The following THUMPD3 variants were observed in gnomAD, a reference collection of about 807,000 sequenced individuals.
The protein encoded by THUMPD3 is tRNA (guanine(6)-N(2))-methyltransferase THUMP3.
THUMPD3 carries 44 observed loss-of-function variants against 54.5 expected under a neutral mutation model. The observed-to-expected ratio is 0.81, with a 90% CI of 0.63 to 1.04. THUMPD3 has a LOEUF of 1.04. THUMPD3 is among the 50% of genes least tolerant of loss of function. The pLI, the probability that THUMPD3 is intolerant of heterozygous loss-of-function variation, is 0.00. For synonymous variants in THUMPD3, 196 were observed against 201.4 expected (o/e 0.97, Z 0.23); for missense variants, 604 against 601.3 (o/e 1.00, Z -0.05).
chr3:9,379,005 A>C (rs1486428449), intron 6 of THUMPD3, among the ~76,000 whole-genome samples: 2 of 152,188 alleles, frequency 1.3e-5, no homozygotes, highest in African/African-American at 4.8e-5. Context: ...TTTCCATGTA[A>C]GAGTAGACAT....
chr3:9,386,372 C>CCCACCCCCCCACCCCCCACT lies in THUMPD3; in HGVS notation c.*1694_*1713dup, dbSNP rs1211175615. ...GTCTGTTTTCACCACGATGTCTTTCCCCACCCCCCCACCCCCCACTCCACC... is the reference window on the plus strand; with the variant it reads ...GTCTGTTTTCACCACGATGTCTTTCCCCACCCCCCCACCCCCCACTCCACCCCCCCACCCCCCACTCCACC... On this transcript the variant is annotated 3_prime_UTR_variant, in exon 10 of 10. Coordinates refer to ENST00000452837, the MANE Select transcript of THUMPD3 (RefSeq NM_001114092.2). 2 of 115,342 alleles carry CCCACCCCCCCACCCCCCACT rather than the reference C, an allele frequency of 1.7e-5. No homozygotes were observed. Among genetic ancestry groups the CCCACCCCCCCACCCCCCACT allele is most frequent in the East Asian group, 3.1e-4 (1 of 3,190 alleles). The allele number at this position is 115,342 out of a possible 1,614,324, so 7.1% of individuals were successfully genotyped here. A position where few individuals can be genotyped will look rare whatever the true frequency, so the allele number is the denominator to read the frequency against.
At chr3:9,382,921 G>T in intron 7 of THUMPD3, 1 of 265,098 alleles carries the variant, frequency 3.8e-6, no homozygotes, top group Non-Finnish European at 7.4e-6. Flanking sequence ...TTAGAGACAA[G>T]GTCTCACAGT....
rs189811313 is a variant in THUMPD3, at chr3:9,372,487, G to A, written c.807+951G>A. ...CCCAGCTACTGGGGAGGCTGAGGCA[G>A]GAGAATCACTTGAACCAGGGAGGTG... On this transcript the variant is annotated intron_variant, in intron 4 of 9. Transcript: ENST00000452837. 4.7e-4 allele frequency among the ~76,000 whole-genome samples: 72 copies of A among 152,124 alleles called. 1 individual carries two copies. Among genetic ancestry groups the A allele is most frequent in the African/African-American group, 1.6e-3 (68 of 41,516 alleles).
chr3:9,380,702 GC>G (rs2032819273), intron 7 of THUMPD3, 84 bp downstream of exon 7: 2 of 873,886 alleles, frequency 2.3e-6, no homozygotes, highest in Non-Finnish European at 3.6e-6. Flanking sequence ...AACTCCCAGT[GC>G]ATTGTGACGT....
At position 9,371,349 on chromosome 3, in the gene THUMPD3, C is replaced by T. The variant is rs773491350; in HGVS notation, c.620C>T (p.Ser207Phe). ...VSTLIGDDLA[S>F]CKDETDESSK... is the part of the protein sequence containing the mutation. ...ACATTAATAGGTGATGATTTGGCAT[C>T]TTGCAAAGATGAGACTGATGAAAGC... Residue 207 changes from serine (S) to phenylalanine (F), a missense_variant, in exon 4 of 10, where the codon TCT (serine) becomes TTT (phenylalanine). By Grantham distance (155) the Ser-to-Phe change is radical. Coordinates refer to ENST00000452837, the MANE Select transcript of THUMPD3 (RefSeq NM_001114092.2). The T allele has an allele frequency of 2.5e-6, 4 of 1,614,158 alleles. No homozygotes were observed. In the East Asian group the frequency reaches 8.9e-5, roughly 36 times the overall value.
chr3:9,367,067 T>G (rs1325425648), intron 3 of THUMPD3, 82 bp downstream of exon 3: 2 of 1,143,820 alleles, frequency 1.7e-6, no homozygotes, highest in Non-Finnish European at 2.6e-6. Flanking sequence ...TCTGTGAAAG[T>G]TTAGCATTAC....
At chr3:9,384,493 C>T in intron 9 of THUMPD3, 31 bp from the exon 10 acceptor site, 3 of 1,612,566 alleles carry the variant, frequency 1.9e-6, no homozygotes, top group Non-Finnish European at 2.5e-6. Context: ...AGATTGTCAA[C>T]CTAATTGTTA....
intron 5 of THUMPD3, 100 bp downstream of exon 5, chr3:9,374,746 T>A: frequency 7.3e-7 from 1 of 1,362,332 alleles, no homozygotes; most frequent in Non-Finnish European, 1.0e-6. Context: ...AGGTACTGTG[T>A]TGGAATAGAG....
At position 9,371,398 on chromosome 3, in the gene THUMPD3, A is replaced by G. The variant is rs896954816; in HGVS notation, c.669A>G (p.Gln223=). ...GCTCAAAAGAAGAAACTGAGCCTCA[A>G]GTGCTGAAGTTTAGAGTCACATGCA... The part of the protein sequence containing the change: ...DESSKEETEP[Q]VLKFRVTCNR... Residue 223 remains glutamine (Q), a synonymous_variant, in exon 4 of 10, where the codon CAA becomes CAG. Coordinates refer to ENST00000452837, the MANE Select transcript of THUMPD3 (RefSeq NM_001114092.2). The G allele has an allele frequency of 3.1e-6, 5 of 1,614,212 alleles. No homozygotes were observed. Among genetic ancestry groups the G allele is most frequent in the South Asian group, 1.1e-5 (1 of 91,088 alleles).
intron 7 of THUMPD3, 84 bp downstream of exon 7, chr3:9,380,702 G>GCATTGTGACGT: frequency 1.1e-6 from 1 of 874,004 alleles, no homozygotes; most frequent in East Asian, 2.5e-5. Flanking sequence ...AACTCCCAGT[G>GCATTGTGACGT]CATTGTGACG....
chr3:9,377,725 T>C, intron 5 of THUMPD3, 94 bp from the exon 6 acceptor site: 1 of 910,710 alleles, frequency 1.1e-6, no homozygotes. Flanking sequence ...CGGGCTAGTG[T>C]GGTAGGTCCT....
intron 7 of THUMPD3, among the ~76,000 whole-genome samples, chr3:9,382,303 C>T (rs944689770): frequency 6.6e-6 from 1 of 152,020 alleles, no homozygotes; most frequent in African/African-American, 2.4e-5. Context: ...AGTTCTTAGC[C>T]TGTGCATTAT....
At chr3:9,368,532 T>G (rs2031759232) in intron 3 of THUMPD3, among the ~76,000 whole-genome samples, 1 of 151,854 alleles carries the variant, frequency 6.6e-6, no homozygotes, top group Non-Finnish European at 1.5e-5. Flanking sequence ...CCGGCTAATT[T>G]TTGTATTTTT....
In THUMPD3 at chr3:9,363,143, T is replaced by G. The variant is rs1450058106; in HGVS notation, c.-54+16T>G. ...CTGGCGGCCGGTAACTGGCGGCGGT[T>G]GGGAACGGCCGAGTGTGGCTCTTCT... On this transcript the variant is annotated intron_variant, in intron 1 of 9. Transcript: ENST00000452837. The G allele has an allele frequency of 6.6e-6, 1 of 152,498 alleles. No individual in the cohort carries two copies. The highest frequency in any genetic ancestry group is 2.4e-5 in the African/African-American group (1 of 41,444). The allele number at this position is 152,498 out of a possible 1,614,324, so 9.4% of individuals were successfully genotyped here.
chr3:9,373,757 A>C (rs754499508), intron 4 of THUMPD3, among the ~76,000 whole-genome samples: 1 of 152,192 alleles, frequency 6.6e-6, no homozygotes, highest in Non-Finnish European at 1.5e-5. Context: ...TGTATCACCC[A>C]GACTGGAGTG....
intron 3 of THUMPD3, among the ~76,000 whole-genome samples, chr3:9,369,234 C>T (rs111748496): frequency 1.7e-4 from 22 of 127,982 alleles, no homozygotes; most frequent in African/African-American, 5.4e-4. Context: ...CACTTGAACC[C>T]GGGAGGCAGA....
Position 9,385,544 on chromosome 3 carries a change from T to G in THUMPD3, c.*856T>G, listed in dbSNP as rs2033275416. ...TGCCTTAAATATTAAAATATCCATCTGTTATTCACATTAATACACAGAATG... is the reference window on the plus strand; with the variant it reads ...TGCCTTAAATATTAAAATATCCATCGGTTATTCACATTAATACACAGAATG... On this transcript the variant is annotated 3_prime_UTR_variant, in exon 10 of 10. Transcript: ENST00000452837. 6.6e-6 allele frequency: 1 copy of G among 152,256 alleles called. No individual in the cohort carries two copies. The highest frequency in any genetic ancestry group is 2.4e-5 in the African/African-American group (1 of 41,478). The allele number at this position is 152,256 out of a possible 1,614,324, so 9.4% of individuals were successfully genotyped here.
chr3:9,379,898 C>T (rs538504220), intron 6 of THUMPD3, among the ~76,000 whole-genome samples: 2 of 152,234 alleles, frequency 1.3e-5, no homozygotes, highest in African/African-American at 2.4e-5. Flanking sequence ...ACCATGTTCC[C>T]AGGCTGGTCT....
intron 6 of THUMPD3, among the ~76,000 whole-genome samples, chr3:9,378,768 G>A (rs532739306): frequency 1.4e-4 from 21 of 152,262 alleles, no homozygotes; most frequent in South Asian, 6.2e-4. Context: ...ACTGTGTTCC[G>A]TGAAAGCTAG....
Sources: gnomAD v4.1 joint callset for allele counts (sites outside exome capture counted in the v4.1 genomes callset) on GRCh38, gnomAD v4.1.1 for gene constraint, MANE v1.5 for transcripts, NCBI Gene and HGNC (gene_info 2026-07-23, HGNC 2026-07-21) for gene names.